ZNF529: variants seen among roughly 807,000 people sequenced by gnomAD.
The protein encoded by ZNF529 is zinc finger protein 529.
In ZNF529, 11 loss-of-function variants were observed where a neutral mutation model predicts 10.1. That is an observed-to-expected ratio of 1.09 (90% confidence interval 0.69 to 1.81). The LOEUF (loss-of-function observed/expected upper bound fraction) is 1.81. Among genes scored for constraint, ZNF529 ranks in the 40% most tolerant of loss-of-function variants. The pLI, the probability that ZNF529 is intolerant of heterozygous loss-of-function variation, is 0.00. For missense variants in ZNF529, 624 were observed against 666.8 expected (o/e 0.94, Z 0.71); for synonymous variants, 204 against 215.7 (o/e 0.95, Z 0.47).
chr19:36,560,257 C>CAAA (rs58196878), intron 2 of ZNF529, among the ~76,000 whole-genome samples: 11 of 104,326 alleles, frequency 1.1e-4, no homozygotes, highest in East Asian at 3.1e-4. Context: ...AACTCCGTCT[C>CAAA]AAAAAAAAAA....
intron 1 of ZNF529, among the ~76,000 whole-genome samples, chr19:36,591,941 G>A (rs927761598): frequency 6.6e-6 from 1 of 151,780 alleles, no homozygotes; most frequent in African/African-American, 2.4e-5. Flanking sequence ...GGAAAGAAAT[G>A]ACAGACCAAA....
At chr19:36,600,913 A>G (rs1310830724) in intron 1 of ZNF529, among the ~76,000 whole-genome samples, 1 of 152,226 alleles carries the variant, frequency 6.6e-6, no homozygotes, top group Non-Finnish European at 1.5e-5. Context: ...CAATCAGTTC[A>G]CAAGCCATAC....
At chr19:36,583,835 T>C (rs2036522564) in intron 2 of ZNF529, among the ~76,000 whole-genome samples, 1 of 151,568 alleles carries the variant, frequency 6.6e-6, no homozygotes, top group South Asian at 2.1e-4. Flanking sequence ...TCTGAAGAGA[T>C]TACCTATAAT....
At position 36,547,481 on chromosome 19, in the gene ZNF529, A is replaced by C; in HGVS notation, c.1077T>G (p.Ile359Met). ...ATGCATAAGGTTTCTCACCAGTGTG[A>C]ATTCTCTGATGTTCAATGAGCTGTG... The part of the protein sequence containing the change: ...ISSQLIEHQR[I>M]HTGEKPYACK... Residue 359 changes from isoleucine (I) to methionine (M), a missense_variant, in exon 5 of 5, where the codon ATT becomes ATG. Coordinates refer to ENST00000591340, the MANE Select transcript of ZNF529 (RefSeq NM_020951.5). 1 of 1,613,444 alleles carries C rather than the reference A, an allele frequency of 6.2e-7. No individual in the cohort carries two copies. The highest frequency in any genetic ancestry group is 1.7e-5 in the Admixed American group (1 of 60,016).
chr19:36,605,199 T>C (rs994337348), exon 1 of ZNF529: 1 of 152,182 alleles, frequency 6.6e-6, no homozygotes, highest in Non-Finnish European at 1.5e-5. Context: ...CCAGCCGCAA[T>C]AGGGCGGCCG....
chr19:36,558,788 CAAATA>C (rs1417338787), intron 2 of ZNF529, among the ~76,000 whole-genome samples: 1 of 151,408 alleles, frequency 6.6e-6, no homozygotes, highest in Non-Finnish European at 1.5e-5. Context: ...GAAATGGGAC[CAAATA>C]AAATTAAAAA....
intron 1 of ZNF529, among the ~76,000 whole-genome samples, chr19:36,603,230 C>G (rs898725115): frequency 1.3e-5 from 2 of 152,164 alleles, no homozygotes; most frequent in African/African-American, 4.8e-5. Flanking sequence ...AACAAATCAC[C>G]GTGTGAAGGC....
At chr19:36,553,282 C>T (rs1347353084) in intron 4 of ZNF529, among the ~76,000 whole-genome samples, 1 of 152,102 alleles carries the variant, frequency 6.6e-6, no homozygotes, top group Non-Finnish European at 1.5e-5. Flanking sequence ...ACTACAGGCA[C>T]ATGCCACCAT....
At chr19:36,558,100 A>G (rs1681572196) in intron 2 of ZNF529, among the ~76,000 whole-genome samples, 1 of 152,200 alleles carries the variant, frequency 6.6e-6, no homozygotes, top group East Asian at 1.9e-4. Context: ...GTATTAACAA[A>G]GTTGAAGACA....
intron 2 of ZNF529, among the ~76,000 whole-genome samples, chr19:36,586,329 G>A (rs1600349683): frequency 3.3e-5 from 5 of 152,238 alleles, no homozygotes; most frequent in South Asian, 2.1e-4. Flanking sequence ...AATGGTTGCC[G>A]GGCGCGGTGG....
chr19:36,544,910 A>G lies in ZNF529; in HGVS notation c.*1956T>C, dbSNP rs1685172992. ...CAGTGACATAAATTTATCTGAAAAT[A>G]ATAGTAAAATTTTCTTATAAAAATC... On this transcript the variant is annotated 3_prime_UTR_variant, in exon 5 of 5. Transcript: ENST00000591340. 1 of 152,244 alleles carries G rather than the reference A, an allele frequency of 6.6e-6. No individual in the cohort carries two copies. Among genetic ancestry groups the G allele is most frequent in the South Asian group, 2.1e-4 (1 of 4,832 alleles). The allele number at this position is 152,244 out of a possible 1,614,324, so 9.4% of individuals were successfully genotyped here. A position where few individuals can be genotyped will look rare whatever the true frequency, so the allele number is the denominator to read the frequency against.
intron 2 of ZNF529, 46 bp from the exon 3 acceptor site, chr19:36,556,243 G>T (rs1176324563): frequency 1.3e-6 from 1 of 769,332 alleles, no homozygotes; most frequent in Non-Finnish European, 2.3e-6. Context: ...AAAAGTCTCT[G>T]GAAATGGTGC....
At chr19:36,599,072 A>T (rs1397039395) in intron 1 of ZNF529, among the ~76,000 whole-genome samples, 1 of 152,250 alleles carries the variant, frequency 6.6e-6, no homozygotes, top group Non-Finnish European at 1.5e-5. Flanking sequence ...AAATATTAAC[A>T]AAAGATCAGT....
chr19:36,554,648 T>C, intron 4 of ZNF529, 22 bp downstream of exon 4: 1 of 1,522,308 alleles, frequency 6.6e-7, no homozygotes, highest in Non-Finnish European at 8.8e-7. Flanking sequence ...TATTCTAAGT[T>C]ATTTAAGGCA....
intron 4 of ZNF529, among the ~76,000 whole-genome samples, chr19:36,549,914 T>G (rs1006112504): frequency 6.6e-6 from 1 of 152,224 alleles, no homozygotes; most frequent in Admixed American, 6.5e-5. Flanking sequence ...CTGTTAGACT[T>G]ACACAGTTCT....
upstream of ZNF529, chr19:36,574,758 G>T (rs1442276894): frequency 6.4e-6 from 3 of 468,090 alleles, no homozygotes; most frequent in African/African-American, 6.0e-5. Flanking sequence ...GCACTCCATT[G>T]TGCAAATATA....
At chr19:36,592,410 A>G (rs867161531) in intron 1 of ZNF529, among the ~76,000 whole-genome samples, 7 of 151,826 alleles carry the variant, frequency 4.6e-5, no homozygotes, top group Non-Finnish European at 4.4e-5. Context: ...CCTGGGCAAC[A>G]TGGTCAAACT....
In ZNF529 at chr19:36,547,316, C is replaced by T. The variant is rs779005564; in HGVS notation, c.1242G>A (p.Arg414=). The T allele has an allele frequency of 2.4e-5, 38 of 1,613,628 alleles. 1 individual carries two copies. The South Asian group carries it at 4.1e-4, about 17-fold the overall frequency. Residue 414 remains arginine (R), a synonymous_variant, in exon 5 of 5, where the codon AGG becomes AGA. Transcript: ENST00000591340. ...TATAGGGTTTTTCACCAGTATGAAT[C>T]CTCTGATGTCTAGTCAGGGATGAAC... ...RNSSSLTRHQ[R]IHTGEKPYKC... is the part of the protein sequence containing the mutation.
At chr19:36,564,926 T>C (rs2035840764) in intron 2 of ZNF529, among the ~76,000 whole-genome samples, 1 of 152,094 alleles carries the variant, frequency 6.6e-6, no homozygotes, top group African/African-American at 2.4e-5. Flanking sequence ...AAGAACAAAA[T>C]CATGTCCTTT....
Sources: allele counts gnomAD v4.1 joint callset (sites outside exome capture counted in the v4.1 genomes callset), GRCh38; gene constraint gnomAD v4.1.1; transcripts MANE v1.5; gene names NCBI Gene and HGNC (gene_info 2026-07-23, HGNC 2026-07-21).